SGCG: variants seen among roughly 807,000 people sequenced by gnomAD.
SGCG encodes the protein sarcoglycan gamma, also known as gamma-sarcoglycan.
A neutral mutation model predicts 29.3 loss-of-function variants in SGCG; 26 were observed. That is an observed-to-expected ratio of 0.89 (90% CI 0.65 to 1.23). SGCG has a LOEUF of 1.23. Ranked by LOEUF, SGCG falls within the 50% of genes most tolerant of loss-of-function variation. SGCG has a pLI of 0.00. For missense variants in SGCG, 353 were observed against 356.0 expected (o/e 0.99, Z 0.07); for synonymous variants, 145 against 129.7 (o/e 1.12, Z -0.80).
chr13:23,187,985 A>G (rs1372202741), intron 1 of SGCG, among the ~76,000 whole-genome samples: 1 of 152,174 alleles, frequency 6.6e-6, no homozygotes, highest in Non-Finnish European at 1.5e-5. Flanking sequence ...CCTTCTTTCC[A>G]TCAAGGATGC....
In SGCG at chr13:23,274,377, TTTTC is replaced by T. The variant is rs201369483; in HGVS notation, c.386-4968_386-4965del. The stretch of plus-strand genomic sequence containing the variant: ...GCCTTTAAGTAATGCAAGGGTGTGT[TTTTC>T]TTTCTTTCTTTCTCTTTTTTTTTTT... On this transcript the variant is annotated intron_variant, in intron 4 of 7. Coordinates refer to ENST00000218867, the MANE Select transcript of SGCG (RefSeq NM_000231.3). Among the ~76,000 whole-genome samples, 9 of 117,484 alleles carry T rather than the reference TTTTC, an allele frequency of 7.7e-5. No individual in the cohort carries two copies. The East Asian group carries it at 9.3e-4, about 12-fold the overall frequency. The allele number at this position is 117,484 out of a possible 152,430, so 77.1% of individuals were successfully genotyped here.
intron 2 of SGCG, among the ~76,000 whole-genome samples, chr13:23,216,903 C>A (rs929592091): frequency 6.6e-6 from 1 of 152,024 alleles, no homozygotes; most frequent in Non-Finnish European, 1.5e-5. Context: ...GGTCTGGGTT[C>A]CACCACACTG....
chr13:23,194,318 G>T (rs1877399248), intron 1 of SGCG, among the ~76,000 whole-genome samples: 1 of 152,160 alleles, frequency 6.6e-6, no homozygotes, highest in South Asian at 2.1e-4. Flanking sequence ...CTGCCTTTAT[G>T]CCTCTTGCTA....
chr13:23,181,729 T>C (rs1593158074), intron 1 of SGCG, among the ~76,000 whole-genome samples: 3 of 152,354 alleles, frequency 2.0e-5, no homozygotes, highest in Middle Eastern at 3.4e-3. Flanking sequence ...TTCAGCTTAC[T>C]GAAGTTATGA....
At chr13:23,235,274 G>A (rs1314344826) in intron 3 of SGCG, among the ~76,000 whole-genome samples, 2 of 151,892 alleles carry the variant, frequency 1.3e-5, no homozygotes, top group East Asian at 1.9e-4. Context: ...TAGGAGAATC[G>A]CTTGAACCCA....
the SGCG span, among the ~76,000 whole-genome samples, chr13:23,167,597 G>T: frequency 1.3e-5 from 2 of 152,184 alleles, no homozygotes; most frequent in Admixed American, 1.3e-4. Context: ...AGCCATTTTA[G>T]CTGGGGTGAG....
chr13:23,243,933 A>G (rs1879603463), intron 3 of SGCG: 2 of 152,164 alleles, frequency 1.3e-5, no homozygotes, highest in Non-Finnish European at 2.9e-5. Context: ...ATTGGATACC[A>G]TAAGAAGCTG....
intron 4 of SGCG, among the ~76,000 whole-genome samples, chr13:23,275,503 T>TAA (rs35071248): frequency 0.12 from 18,035 of 145,418 alleles, 1,155 homozygotes; most frequent in African/African-American, 0.17. Context: ...ACCCTGTCTT[T>TAA]AAAAAAAAAA....
chr13:23,308,414 G>A (rs1593103536), intron 6 of SGCG, among the ~76,000 whole-genome samples: 1 of 151,964 alleles, frequency 6.6e-6, no homozygotes, highest in Non-Finnish European at 1.5e-5. Context: ...ATTTTTAATG[G>A]GTGCCCTATT....
chr13:23,266,913 G>A (rs1880663309), intron 4 of SGCG, among the ~76,000 whole-genome samples: 1 of 152,050 alleles, frequency 6.6e-6, no homozygotes, highest in Non-Finnish European at 1.5e-5. Context: ...AAATTACCCA[G>A]CCTCAGGAAT....
the SGCG span, among the ~76,000 whole-genome samples, chr13:23,171,374 C>T: frequency 2.0e-5 from 3 of 152,204 alleles, 1 homozygote; most frequent in African/African-American, 4.8e-5. Flanking sequence ...TAACATTACA[C>T]TGCTGTTAAG....
chr13:23,268,190 C>G (rs1024438152), intron 4 of SGCG: 1 of 152,466 alleles, frequency 6.6e-6, no homozygotes, highest in Admixed American at 6.5e-5. Context: ...GCAGCCTAAT[C>G]GAAGAGAAGT....
intron 6 of SGCG, among the ~76,000 whole-genome samples, chr13:23,314,357 TAAATG>T (rs1882716803): frequency 1.7e-5 from 2 of 121,208 alleles, no homozygotes; most frequent in South Asian, 3.1e-4. Flanking sequence ...CTAAATTTTT[TAAATG>T]AAATGATGTC....
intron 3 of SGCG, among the ~76,000 whole-genome samples, chr13:23,236,510 T>C (rs1283030380): frequency 1.3e-5 from 2 of 151,978 alleles, no homozygotes; most frequent in African/African-American, 4.8e-5. Flanking sequence ...ACCCCGTCTC[T>C]ACTAAAAATA....
intron 1 of SGCG, among the ~76,000 whole-genome samples, chr13:23,184,585 G>C (rs1876894773): frequency 6.6e-6 from 1 of 152,158 alleles, no homozygotes; most frequent in Admixed American, 6.5e-5. Flanking sequence ...GTCTATACAG[G>C]ATAAATGGTA....
intron 6 of SGCG, among the ~76,000 whole-genome samples, chr13:23,304,875 C>T (rs1249462807): frequency 6.6e-6 from 1 of 152,182 alleles, no homozygotes; most frequent in Non-Finnish European, 1.5e-5. Flanking sequence ...ATGATCCACT[C>T]GCCTTGGCCT....
the SGCG span, among the ~76,000 whole-genome samples, chr13:23,173,467 A>G: frequency 7.2e-6 from 1 of 139,070 alleles, no homozygotes. Flanking sequence ...AAGATTTCCA[A>G]AGATTTTCAA....
intron 2 of SGCG, among the ~76,000 whole-genome samples, chr13:23,208,331 A>G (rs912052904): frequency 6.6e-6 from 1 of 152,180 alleles, no homozygotes; most frequent in Non-Finnish European, 1.5e-5. Flanking sequence ...TGTCATTGCA[A>G]CACCTCATCA....
At chr13:23,242,356 G>A (rs747602820) in intron 3 of SGCG, among the ~76,000 whole-genome samples, 8 of 152,016 alleles carry the variant, frequency 5.3e-5, no homozygotes, top group Non-Finnish European at 1.0e-4. Context: ...ATCTCATAGG[G>A]TATTGATAAC....
Sources: allele counts gnomAD v4.1 joint callset (sites outside exome capture counted in the v4.1 genomes callset), GRCh38; gene constraint gnomAD v4.1.1; transcripts MANE v1.5; gene names NCBI Gene and HGNC (gene_info 2026-07-23, HGNC 2026-07-21).